Variants in STPG2 observed in about 807,000 individuals in gnomAD.
The protein encoded by STPG2 is sperm tail PG-rich repeat containing 2, also known as sperm-tail PG-rich repeat-containing protein 2.
STPG2 carries 56 observed loss-of-function variants against 54.2 expected under a neutral mutation model. That is an observed-to-expected ratio of 1.03 (90% confidence interval 0.83 to 1.29). The LOEUF is 1.29. Ranked by LOEUF, STPG2 falls within the 50% of genes most tolerant of loss-of-function variation. The pLI is 0.00. For missense variants in STPG2, 596 were observed against 544.9 expected, an observed-to-expected ratio of 1.09 and a Z score of -0.93; for synonymous variants, 200 against 181.8, an observed-to-expected ratio of 1.10 and a Z score of -0.81.
At chr4:98,070,957 T>C (rs1737984833) in intron 5 of STPG2, among the ~76,000 whole-genome samples, 1 of 151,552 alleles carries the variant, frequency 6.6e-6, no homozygotes, top group South Asian at 2.1e-4. Context: ...ACAGATTCAA[T>C]GCTATTCCCA....
At chr4:97,506,776 G>A (rs1268634124) in intron 4 of STPG2, among the ~76,000 whole-genome samples, 1 of 151,554 alleles carries the variant, frequency 6.6e-6, no homozygotes, top group Non-Finnish European at 1.5e-5. Context: ...AGTATAAAAT[G>A]TATAACTAAT....
intron 5 of STPG2, among the ~76,000 whole-genome samples, chr4:98,017,016 GT>G (rs1735970632): frequency 6.6e-6 from 1 of 152,140 alleles, no homozygotes; most frequent in Non-Finnish European, 1.5e-5. Context: ...GGTTGGCCAG[GT>G]TCCTGAGTCA....
chr4:97,577,376 G>A (rs1298932837), intron 10 of STPG2, among the ~76,000 whole-genome samples: 1 of 152,162 alleles, frequency 6.6e-6, no homozygotes. Flanking sequence ...CAAATAAAAT[G>A]TGTTACATAT....
At chr4:97,953,846 G>A (rs1341331301) in intron 7 of STPG2, among the ~76,000 whole-genome samples, 1 of 152,132 alleles carries the variant, frequency 6.6e-6, no homozygotes, top group African/African-American at 2.4e-5. Context: ...ATTTATTTCA[G>A]TTTTCCTGTT....
intron 5 of STPG2, among the ~76,000 whole-genome samples, chr4:98,056,933 C>CA (rs34998237): frequency 0.39 from 59,274 of 151,112 alleles, 11,785 homozygotes; most frequent in Middle Eastern, 0.46. Context: ...TTTCCGGAGG[C>CA]CCCCCCAACC....
intron 9 of STPG2, among the ~76,000 whole-genome samples, chr4:97,753,543 T>C (rs1725641200): frequency 6.6e-6 from 1 of 152,052 alleles, no homozygotes; most frequent in Non-Finnish European, 1.5e-5. Context: ...AAATATCTAT[T>C]TGAGCTCCTG....
chr4:97,800,895 C>T (rs1031130907), intron 9 of STPG2, among the ~76,000 whole-genome samples: 6 of 152,192 alleles, frequency 3.9e-5, no homozygotes, highest in Admixed American at 2.6e-4. Context: ...GCACCCCTCC[C>T]CCAGCCTCGC....
intron 4 of STPG2, among the ~76,000 whole-genome samples, chr4:97,469,635 C>A (rs2148813981): frequency 6.6e-6 from 1 of 151,912 alleles, no homozygotes; most frequent in South Asian, 2.1e-4. Context: ...ATCTAAGATT[C>A]ATGAGATATA....
chr4:97,901,080 C>A lies in STPG2; in HGVS notation c.1044+42817G>T, dbSNP rs535009046. ...TTGTCCTTGTAACATATTGAATAAACAAACAAAACTTACATAAGTATATGG... is the reference window on the plus strand; with the variant it reads ...TTGTCCTTGTAACATATTGAATAAAAAAACAAAACTTACATAAGTATATGG... On this transcript the variant is annotated intron_variant, in intron 8 of 10. Transcript: ENST00000295268. Among the ~76,000 whole-genome samples, 6 of 151,898 alleles carry A rather than the reference C, an allele frequency of 4.0e-5. No individual in the cohort carries two copies. The South Asian group carries it at 1.2e-3, about 32-fold the overall frequency.
intron 9 of STPG2, among the ~76,000 whole-genome samples, chr4:97,781,419 T>C (rs1726608492): frequency 6.6e-6 from 1 of 152,122 alleles, no homozygotes; most frequent in South Asian, 2.1e-4. Flanking sequence ...TAACAGGCTC[T>C]GAAATTGAGG....
intron 10 of STPG2, among the ~76,000 whole-genome samples, chr4:97,628,372 G>C (rs1262456403): frequency 6.6e-6 from 1 of 152,090 alleles, no homozygotes; most frequent in Non-Finnish European, 1.5e-5. Flanking sequence ...CTGTGCCAGA[G>C]TGAATAATTT....
At chr4:97,797,413 G>T (rs537184673) in intron 9 of STPG2, among the ~76,000 whole-genome samples, 8 of 152,120 alleles carry the variant, frequency 5.3e-5, no homozygotes, top group African/African-American at 1.4e-4. Flanking sequence ...GTTGAATTTT[G>T]TCAAAGGCCT....
intron 6 of STPG2, 62 bp downstream of exon 6, chr4:97,981,097 G>C (rs1039329550): frequency 6.5e-7 from 1 of 1,543,132 alleles, no homozygotes; most frequent in South Asian, 1.2e-5. Flanking sequence ...TATCCATCTT[G>C]TTAAGAACAT....
At chr4:97,560,280 G>A (rs1020074162) in intron 10 of STPG2, among the ~76,000 whole-genome samples, 1 of 152,082 alleles carries the variant, frequency 6.6e-6, no homozygotes, top group Non-Finnish European at 1.5e-5. Flanking sequence ...ATATAACTAG[G>A]AAAATTGGCT....
chr4:97,824,208 C>A (rs1038621333), intron 9 of STPG2, among the ~76,000 whole-genome samples: 9 of 152,090 alleles, frequency 5.9e-5, no homozygotes, highest in East Asian at 1.9e-4. Flanking sequence ...AGTGTGGCTG[C>A]AGTGAATGGG....
chr4:97,769,475 T>C (rs916083084), intron 9 of STPG2, among the ~76,000 whole-genome samples: 2 of 152,124 alleles, frequency 1.3e-5, no homozygotes, highest in South Asian at 2.1e-4. Flanking sequence ...TAGTTTGTTA[T>C]GTAGTAAAAG....
chr4:98,036,623 CGA>C (rs919605177), intron 5 of STPG2, among the ~76,000 whole-genome samples: 3 of 150,982 alleles, frequency 2.0e-5, no homozygotes, highest in Non-Finnish European at 4.4e-5. Flanking sequence ...ACATGGACAC[CGA>C]GAGGAACAAC....
chr4:97,889,849 T>C (rs1425579795), intron 8 of STPG2, among the ~76,000 whole-genome samples: 1 of 152,180 alleles, frequency 6.6e-6, no homozygotes, highest in Non-Finnish European at 1.5e-5. Context: ...AAAATGATAA[T>C]AATGTGAGGT....
rs543239454 is a variant in STPG2 at position 97,690,017 on chromosome 4, G to A, written c.1320+22682C>T. ...CCTCATTAATATTTCAGAGTTCAGG[G>A]GACTGAAAACTAATTTTACACTTTA... On this transcript the variant is annotated intron_variant, in intron 10 of 10. Coordinates refer to ENST00000295268, the MANE Select transcript of STPG2 (RefSeq NM_174952.3). Among the ~76,000 whole-genome samples, 8 of 151,996 alleles carry A rather than the reference G, an allele frequency of 5.3e-5. No individual in the cohort carries two copies. In the South Asian group the frequency reaches 1.7e-3, roughly 32 times the overall value.
Sources: allele counts gnomAD v4.1 joint callset (sites outside exome capture counted in the v4.1 genomes callset), GRCh38; gene constraint gnomAD v4.1.1; transcripts MANE v1.5; gene names NCBI Gene and HGNC (gene_info 2026-07-23, HGNC 2026-07-21).